The following SLC25A26 variants were observed in gnomAD, a reference collection of about 807,000 sequenced individuals.
SLC25A26 encodes mitochondrial S-adenosylmethionine carrier protein.
SLC25A26 carries 36 observed loss-of-function variants against 37.8 expected under a neutral mutation model. The observed-to-expected ratio is 0.95, with a 90% CI of 0.73 to 1.26. SLC25A26 has a LOEUF of 1.26. Among genes scored for constraint, SLC25A26 ranks in the 50% most tolerant of loss-of-function variants. The probability of loss-of-function intolerance (pLI) is 0.00; values close to 1 mark genes in which losing one functional copy is unlikely to be tolerated. For missense variants in SLC25A26, 390 were observed against 331.1 expected, an observed-to-expected ratio of 1.18 and a Z score of -1.38; for synonymous variants, 129 against 122.5, an observed-to-expected ratio of 1.05 and a Z score of -0.35.
intron 5 of SLC25A26, chr3:66,293,140 G>C (rs367660576): frequency 8.5e-5 from 13 of 152,164 alleles, no homozygotes; most frequent in East Asian, 3.9e-4. Flanking sequence ...TCACGAATTT[G>C]CATGTCATCC....
chr3:66,294,797 A>G (rs182041240), intron 5 of SLC25A26, among the ~76,000 whole-genome samples: 1 of 152,336 alleles, frequency 6.6e-6, no homozygotes, highest in East Asian at 1.9e-4. Flanking sequence ...TTTACTGATT[A>G]CCACACGTAA....
chr3:66,290,127 G>A (rs1170534159), intron 5 of SLC25A26, among the ~76,000 whole-genome samples: 2 of 152,064 alleles, frequency 1.3e-5, no homozygotes, highest in African/African-American at 4.8e-5. Flanking sequence ...TCTATTATTG[G>A]TGTATGGAAA....
intron 5 of SLC25A26, among the ~76,000 whole-genome samples, chr3:66,305,521 A>T (rs2075193202): frequency 6.6e-6 from 1 of 152,158 alleles, no homozygotes; most frequent in Admixed American, 6.6e-5. Context: ...ATAGGTAAAT[A>T]TGTGCTATGG....
intron 1 of SLC25A26, among the ~76,000 whole-genome samples, chr3:66,181,586 G>A (rs1559564558): frequency 6.6e-6 from 1 of 151,984 alleles, no homozygotes; most frequent in Non-Finnish European, 1.5e-5. Context: ...AGATTAGTTG[G>A]GAAGGAAATC....
chr3:66,225,249 C>T (rs184607760), intron 1 of SLC25A26, among the ~76,000 whole-genome samples: 107 of 152,286 alleles, frequency 7.0e-4, no homozygotes, highest in Admixed American at 3.9e-4. Flanking sequence ...CTGGACATCC[C>T]GACGTTTCCG....
chr3:66,171,975 C>T (rs1193968035), intron 1 of SLC25A26, among the ~76,000 whole-genome samples: 1 of 152,160 alleles, frequency 6.6e-6, no homozygotes, highest in Non-Finnish European at 1.5e-5. Context: ...TAAATATTCC[C>T]AGCTCCCTCA....
At chr3:66,251,551 A>G (rs541540685) in intron 3 of SLC25A26, among the ~76,000 whole-genome samples, 39 of 152,280 alleles carry the variant, frequency 2.6e-4, no homozygotes, top group African/African-American at 8.7e-4. Flanking sequence ...TCTGAGTCTG[A>G]GCTAACACGC....
intron 5 of SLC25A26, among the ~76,000 whole-genome samples, chr3:66,264,867 G>C (rs916874739): frequency 2.6e-5 from 4 of 152,210 alleles, no homozygotes; most frequent in African/African-American, 9.6e-5. Context: ...GTGATTCACA[G>C]AGCAGTGTAT....
intron 5 of SLC25A26, among the ~76,000 whole-genome samples, chr3:66,267,196 G>A (rs1399106728): frequency 2.7e-5 from 4 of 146,792 alleles, no homozygotes; most frequent in African/African-American, 9.7e-5. Flanking sequence ...CAATGCTTGA[G>A]TGGTGCTCAG....
intron 1 of SLC25A26, among the ~76,000 whole-genome samples, chr3:66,214,949 G>A (rs2071338742): frequency 6.6e-6 from 1 of 152,100 alleles, no homozygotes; most frequent in Non-Finnish European, 1.5e-5. Flanking sequence ...CCAACGTGCT[G>A]AAATTCCATC....
chr3:66,223,513 C>CTT (rs201374184), intron 1 of SLC25A26, among the ~76,000 whole-genome samples: 1 of 152,164 alleles, frequency 6.6e-6, no homozygotes, highest in Non-Finnish European at 1.5e-5. Flanking sequence ...GGAGTGGCTA[C>CTT]TTTTTAATGT....
chr3:66,182,654 A>G (rs909329363), intron 1 of SLC25A26, among the ~76,000 whole-genome samples: 1 of 141,660 alleles, frequency 7.1e-6, no homozygotes, highest in African/African-American at 2.6e-5. Flanking sequence ...CGCTGGCACA[A>G]GATCTAATGC....
intron 5 of SLC25A26, among the ~76,000 whole-genome samples, chr3:66,344,375 A>G (rs2076274260): frequency 1.3e-5 from 2 of 151,996 alleles, no homozygotes; most frequent in Admixed American, 6.6e-5. Flanking sequence ...AGACAGGAGA[A>G]TTGCTTGAGC....
At chr3:66,161,520 AG>A (rs2070359781) in intron 1 of SLC25A26, among the ~76,000 whole-genome samples, 1 of 152,210 alleles carries the variant, frequency 6.6e-6, no homozygotes, top group African/African-American at 2.4e-5. Context: ...TCCAGGGTCA[AG>A]TATGGGAAAT....
intron 5 of SLC25A26, among the ~76,000 whole-genome samples, chr3:66,318,697 C>G (rs1031898429): frequency 5.3e-5 from 8 of 151,822 alleles, no homozygotes; most frequent in African/African-American, 1.9e-4. Context: ...CTCGGAGACT[C>G]TGTCACCCAA....
chr3:66,330,520 A>C (rs536873965), intron 5 of SLC25A26, among the ~76,000 whole-genome samples: 2 of 151,412 alleles, frequency 1.3e-5, no homozygotes, highest in African/African-American at 2.4e-5. Flanking sequence ...GCATCTATAT[A>C]TTTCTGTGTA....
intron 1 of SLC25A26, among the ~76,000 whole-genome samples, chr3:66,225,458 C>T (rs931349688): frequency 6.6e-6 from 1 of 152,162 alleles, no homozygotes; most frequent in African/African-American, 2.4e-5. Flanking sequence ...AGGCTGCACA[C>T]AGCAAGGGGG....
rs973639901 is a variant in SLC25A26 at position 66,185,416 on chromosome 3, G to A, written c.-353-35326G>A. 6.6e-5 allele frequency among the ~76,000 whole-genome samples: 10 copies of A among 152,286 alleles called. No individual in the cohort carries two copies. The South Asian group carries it at 8.3e-4, about 13-fold the overall frequency. On this transcript the variant is annotated intron_variant, in intron 1 of 10. Coordinates refer to the SLC25A26 transcript ENST00000676754. ...GAATAATGCTTCTATAAACATGAGC[G>A]TTCAAGTATCTCTTTGAGACCCTAC... is the stretch of plus-strand genomic sequence containing the variant.
chr3:66,337,061 A>G (rs1332487143), intron 5 of SLC25A26, among the ~76,000 whole-genome samples: 1 of 152,136 alleles, frequency 6.6e-6, no homozygotes, highest in African/African-American at 2.4e-5. Context: ...TGGAAATAGG[A>G]TGAAATCTAA....
Sources: allele counts gnomAD v4.1 joint callset (sites outside exome capture counted in the v4.1 genomes callset), GRCh38; gene constraint gnomAD v4.1.1; transcripts MANE v1.5; gene names NCBI Gene and HGNC (gene_info 2026-07-23, HGNC 2026-07-21).